Variants in NIPBL observed in about 807,000 individuals in gnomAD.
The protein encoded by NIPBL is nipped-B-like protein.
A neutral mutation model predicts 321.8 loss-of-function variants in NIPBL; 19 were observed. That is an observed-to-expected ratio of 0.06 (90% confidence interval 0.04 to 0.09). The LOEUF is 0.09. NIPBL is among the 10% of genes least tolerant of loss of function. NIPBL has a pLI of 1.00. For missense variants in NIPBL, 2,210 were observed against 3,327.0 expected (o/e 0.66, Z 8.26); for synonymous variants, 1,106 against 1,114.1 (o/e 0.99, Z 0.14).
chr5:36,895,702 A>G (rs1746679911), intron 1 of NIPBL, among the ~76,000 whole-genome samples: 1 of 152,140 alleles, frequency 6.6e-6, no homozygotes, highest in African/African-American at 2.4e-5. Context: ...CATTTTCCTA[A>G]TGACTGATGA....
intron 1 of NIPBL, among the ~76,000 whole-genome samples, chr5:36,901,868 C>T (rs1052891046): frequency 7.2e-5 from 11 of 152,104 alleles, no homozygotes; most frequent in African/African-American, 2.7e-4. Flanking sequence ...GTTTACATTC[C>T]CACCAGCAGT....
At chr5:36,918,156 G>A (rs1368882925) in intron 1 of NIPBL, among the ~76,000 whole-genome samples, 1 of 152,164 alleles carries the variant, frequency 6.6e-6, no homozygotes, top group Admixed American at 6.5e-5. Context: ...CTACCCATGA[G>A]CATGGAATGT....
At chr5:37,022,485 A>T in intron 29 of NIPBL, 95 bp downstream of exon 29, 1 of 1,065,432 alleles carries the variant, frequency 9.4e-7, no homozygotes, top group East Asian at 2.6e-5. Context: ...AAATAAATGT[A>T]CCAATTATAT....
At chr5:36,958,829 G>A (rs977832826) in intron 4 of NIPBL, among the ~76,000 whole-genome samples, 9 of 152,184 alleles carry the variant, frequency 5.9e-5, no homozygotes, top group Non-Finnish European at 1.2e-4. Context: ...CCAAGTGCCT[G>A]TTTGGCTCTC....
intron 33 of NIPBL, among the ~76,000 whole-genome samples, chr5:37,037,189 C>T (rs1396542712): frequency 1.3e-5 from 2 of 151,272 alleles, no homozygotes; most frequent in African/African-American, 4.8e-5. Flanking sequence ...AGATTGAGAC[C>T]ATCCTGGCTA....
chr5:36,911,578 A>G (rs185366051), intron 1 of NIPBL, among the ~76,000 whole-genome samples: 94 of 152,322 alleles, frequency 6.2e-4, no homozygotes, highest in African/African-American at 2.1e-3. Flanking sequence ...TAAAAAATCT[A>G]TATTCTATAC....
chr5:36,945,308 C>G (rs942153303), intron 1 of NIPBL, among the ~76,000 whole-genome samples: 3 of 152,110 alleles, frequency 2.0e-5, no homozygotes, highest in African/African-American at 4.8e-5. Context: ...AACTGTATAA[C>G]AAACTGGGAC....
rs190712698 is a variant in NIPBL at position 37,041,626 on chromosome 5, A to G, written c.6109-2721A>G. Among the ~76,000 whole-genome samples, 496 of 149,684 alleles carry G rather than the reference A, an allele frequency of 3.3e-3. 4 individuals carry two copies. The highest frequency in any genetic ancestry group is 5.3e-3 in the Non-Finnish European group (356 of 67,694). ...TGCCCAGGCTGGAGTACAGTCCTGC[A>G]CTTCTGGCTGACTGCAACCTTCGCC... On this transcript the variant is annotated intron_variant, in intron 34 of 46. Coordinates refer to ENST00000282516, the MANE Select transcript of NIPBL (RefSeq NM_133433.4).
chr5:36,901,321 C>A (rs1038376981), intron 1 of NIPBL, among the ~76,000 whole-genome samples: 3 of 151,958 alleles, frequency 2.0e-5, no homozygotes, highest in African/African-American at 4.8e-5. Context: ...GTATATGTAC[C>A]ATATTTTCTT....
rs1744626152 is a variant in NIPBL, at chr5:36,985,254, A to G, written c.2074A>G (p.Arg692Gly). The G allele has an allele frequency of 1.9e-6, 3 of 1,613,698 alleles. No homozygotes were observed. Among genetic ancestry groups the G allele is most frequent in the Non-Finnish European group, 2.5e-6 (3 of 1,179,972 alleles). Residue 692 changes from arginine to glycine, a missense_variant, in exon 10 of 47, where the codon AGA (arginine) becomes GGA (glycine). Arg to Gly is a moderately radical substitution (Grantham distance 125). This residue lies in a region of NIPBL where 588 missense variants were observed against 564.1 expected (regional missense o/e 1.04). Transcript: ENST00000282516. Reference protein sequence around the residue: ...KPNDNKQNNGRSETTKSRPET... With the variant: ...KPNDNKQNNGGSETTKSRPET... ...AAATGACAACAAACAAAATAATGGCAGATCAGAAACAACAAAATCAAGGCC... is the reference window on the plus strand; with the variant it reads ...AAATGACAACAAACAAAATAATGGCGGATCAGAAACAACAAAATCAAGGCC...
At chr5:36,918,969 T>A (rs1748702940) in intron 1 of NIPBL, among the ~76,000 whole-genome samples, 1 of 152,116 alleles carries the variant, frequency 6.6e-6, no homozygotes, top group African/African-American at 2.4e-5. Context: ...CCATCAGGGG[T>A]ATTGGTGTAA....
In NIPBL at chr5:36,961,443, T is replaced by G. The variant is rs111418742; in HGVS notation, c.359-41T>G. The G allele has an allele frequency of 4.4e-6, 5 of 1,144,886 alleles. No homozygotes were observed. The Admixed American group carries it at 6.7e-5, about 15-fold the overall frequency. 70.9% of individuals were successfully genotyped at this position (1,144,886 alleles called of 1,614,324 possible). ...CAGTTATTTAAAGGACACTTTACTG[T>G]TAGAAGAAAATAACGTTCTGTATTT... On this transcript the variant is annotated intron_variant, in intron 4 of 46. Coordinates refer to ENST00000282516, the MANE Select transcript of NIPBL (RefSeq NM_133433.4).
At chr5:36,914,578 A>G (rs1370052514) in intron 1 of NIPBL, among the ~76,000 whole-genome samples, 1 of 152,196 alleles carries the variant, frequency 6.6e-6, no homozygotes, top group Non-Finnish European at 1.5e-5. Context: ...TGTATATGAA[A>G]CATAAATGAA....
chr5:36,971,687 A>G (rs1742869186), intron 7 of NIPBL: 1 of 383,114 alleles, frequency 2.6e-6, no homozygotes, highest in Non-Finnish European at 3.6e-6. Flanking sequence ...TTTTGTAGAA[A>G]AAAGCAAACA....
intron 1 of NIPBL, among the ~76,000 whole-genome samples, chr5:36,923,140 A>G (rs958958051): frequency 5.3e-5 from 8 of 151,854 alleles, no homozygotes; most frequent in African/African-American, 1.9e-4. Flanking sequence ...TTGTACTAAA[A>G]ATACAAAATA....
intron 7 of NIPBL, 123 bp downstream of exon 7, chr5:36,971,159 A>G (rs1227929280): frequency 1.2e-6 from 1 of 800,790 alleles, no homozygotes; most frequent in African/African-American, 1.7e-5. Flanking sequence ...ACTGAGTACA[A>G]CATGGCTCCT....
Position 37,003,150 on chromosome 5 carries a change from G to T in NIPBL, c.3769-111G>T, listed in dbSNP as rs965953415. The T allele has an allele frequency of 4.2e-6, 3 of 711,798 alleles. No homozygotes were observed. The African/African-American group carries it at 5.3e-5, about 13-fold the overall frequency. The allele number at this position is 711,798 out of a possible 1,614,324, so 44.1% of individuals were successfully genotyped here. ...GAAAGTTTTCTTACTCTTTAAGAGG[G>T]TGACAATGCTATTTCCTCCATAGCT... On this transcript the variant is annotated intron_variant, in intron 15 of 46. Transcript: ENST00000282516.
intron 45 of NIPBL, among the ~76,000 whole-genome samples, chr5:37,061,607 A>T (rs1464997120): frequency 2.0e-5 from 3 of 152,154 alleles, no homozygotes; most frequent in African/African-American, 7.2e-5. Context: ...TGAGCCTGAG[A>T]GGCAGAGGTT....
At chr5:37,064,404 A>G (rs1755174140) in intron 46 of NIPBL, 123 bp from the exon 47 acceptor site, 8 of 1,548,578 alleles carry the variant, frequency 5.2e-6, no homozygotes, top group East Asian at 2.3e-5. Context: ...ATTGCCGGCA[A>G]TGGAAGTGTG....
Sources: allele counts gnomAD v4.1 joint callset (sites outside exome capture counted in the v4.1 genomes callset), GRCh38; gene constraint gnomAD v4.1.1; regional missense constraint gnomAD v4.1.1; transcripts MANE v1.5; gene names NCBI Gene and HGNC (gene_info 2026-07-23, HGNC 2026-07-21).